EBF2: variants seen among roughly 807,000 people sequenced by gnomAD.
EBF2 encodes the protein transcription factor COE2.
Under a neutral mutation model 72.8 loss-of-function variants are expected in EBF2, and 21 were observed. That is an observed-to-expected ratio of 0.29 (90% CI 0.20 to 0.42). EBF2 has a LOEUF of 0.42. Ranked by LOEUF, EBF2 falls within the 10% of genes least tolerant of loss-of-function variation. The probability of loss-of-function intolerance (pLI) is 1.00; values close to 1 mark genes in which losing one functional copy is unlikely to be tolerated. For missense variants in EBF2, 637 were observed against 731.2 expected (o/e 0.87, Z 1.49); for synonymous variants, 299 against 274.2 (o/e 1.09, Z -0.89).
At chr8:25,985,211 A>G (rs73675759) in intron 6 of EBF2, among the ~76,000 whole-genome samples, 2,324 of 152,308 alleles carry the variant, frequency 0.015, 69 homozygotes, top group African/African-American at 0.053. Context: ...CTTCTCTGCC[A>G]ACACCAAGTG....
chr8:26,040,516 C>T, intron 4 of EBF2, 100 bp downstream of exon 4: 3 of 1,166,880 alleles, frequency 2.6e-6, no homozygotes, highest in Non-Finnish European at 3.7e-6. Context: ...GGAGTCTGAC[C>T]CAGGAAATCG....
chr8:25,934,826 T>C (rs533979089), intron 6 of EBF2, among the ~76,000 whole-genome samples: 5 of 152,308 alleles, frequency 3.3e-5, no homozygotes, highest in African/African-American at 1.2e-4. Context: ...AAAATCCTTA[T>C]TAATATCCTA....
At chr8:25,932,643 C>T (rs574805300) in intron 6 of EBF2, among the ~76,000 whole-genome samples, 1 of 152,086 alleles carries the variant, frequency 6.6e-6, no homozygotes, top group African/African-American at 2.4e-5. Flanking sequence ...GCTGTCTGGC[C>T]GCAGCTGATC....
intron 10 of EBF2, among the ~76,000 whole-genome samples, chr8:25,866,336 CATGGTTCAATA>C (rs1802314698): frequency 6.7e-6 from 1 of 150,260 alleles, no homozygotes; most frequent in African/African-American, 2.4e-5. Flanking sequence ...TATTATTTAT[CATGGTTCAATA>C]AGGGTTCAAT....
At chr8:25,994,823 G>A (rs1804598361) in intron 6 of EBF2, among the ~76,000 whole-genome samples, 1 of 152,150 alleles carries the variant, frequency 6.6e-6, no homozygotes, top group African/African-American at 2.4e-5. Context: ...ACCTATGTGT[G>A]CTATGTTCAC....
At chr8:26,008,374 C>T (rs774295269) in intron 6 of EBF2, among the ~76,000 whole-genome samples, 2 of 152,140 alleles carry the variant, frequency 1.3e-5, no homozygotes, top group African/African-American at 4.8e-5. Flanking sequence ...CTGTGAGAAG[C>T]CTCAGCTGGG....
chr8:25,864,664 T>G (rs1802272818), intron 10 of EBF2, among the ~76,000 whole-genome samples: 1 of 152,238 alleles, frequency 6.6e-6, no homozygotes, highest in Admixed American at 6.5e-5. Context: ...GAATGGTTTC[T>G]ATACATATAT....
intron 6 of EBF2, among the ~76,000 whole-genome samples, chr8:25,947,662 C>T (rs971175048): frequency 1.3e-5 from 2 of 152,188 alleles, no homozygotes; most frequent in Admixed American, 6.5e-5. Context: ...TAAGTGCACC[C>T]TATTGGAAGT....
chr8:25,855,904 G>A (rs1802079610), intron 14 of EBF2, among the ~76,000 whole-genome samples: 1 of 152,156 alleles, frequency 6.6e-6, no homozygotes, highest in African/African-American at 2.4e-5. Context: ...CTCTCTTTCT[G>A]TCTCCCAGTT....
In EBF2 at chr8:26,006,001, G is replaced by GA. The variant is rs1220471397; in HGVS notation, c.551+27083dup. ...GAACTCTGCTCCCTCCCCAGCGCAA[G>GA]AAAAAAATGCCCTTTCTGCAGAACA... On this transcript the variant is annotated intron_variant, in intron 6 of 15. Transcript: ENST00000520164. Among the ~76,000 whole-genome samples, 15 of 151,998 alleles carry GA rather than the reference G, an allele frequency of 9.9e-5. No individual in the cohort carries two copies. The East Asian group carries it at 2.3e-3, about 24-fold the overall frequency.
intron 11 of EBF2, 80 bp downstream of exon 11, chr8:25,862,629 G>C: frequency 9.0e-7 from 1 of 1,106,622 alleles, no homozygotes; most frequent in Non-Finnish European, 1.3e-6. Flanking sequence ...ATTTTAATGG[G>C]ATGTAAATGC....
intron 6 of EBF2, among the ~76,000 whole-genome samples, chr8:26,029,745 C>T (rs1184861348): frequency 6.6e-6 from 1 of 152,176 alleles, no homozygotes; most frequent in Non-Finnish European, 1.5e-5. Context: ...TCTATATTTA[C>T]ACAGAGGAAA....
chr8:25,960,431 C>T (rs182634008), intron 6 of EBF2, among the ~76,000 whole-genome samples: 110 of 152,292 alleles, frequency 7.2e-4, no homozygotes, highest in Middle Eastern at 3.4e-3. Context: ...AAACCACTGC[C>T]TTGGAAAACA....
intron 9 of EBF2, among the ~76,000 whole-genome samples, 199 bp downstream of exon 9, chr8:25,887,643 C>T (rs1003693464): frequency 6.6e-6 from 1 of 152,032 alleles, no homozygotes; most frequent in Non-Finnish European, 1.5e-5. Flanking sequence ...GAGTGACATT[C>T]CATCACTTTA....
chr8:25,927,386 T>A (rs1424292227), intron 6 of EBF2, among the ~76,000 whole-genome samples: 3 of 150,126 alleles, frequency 2.0e-5, no homozygotes, highest in African/African-American at 7.3e-5. Context: ...ATATATATTA[T>A]ATACACATCA....
chr8:25,846,979 GAGA>G (rs1203986250), intron 15 of EBF2, among the ~76,000 whole-genome samples: 1 of 152,168 alleles, frequency 6.6e-6, no homozygotes, highest in Non-Finnish European at 1.5e-5. Context: ...ATAGGGTAAA[GAGA>G]AGAATTTCAC....
At chr8:25,859,188 A>ATGTT (rs1238592425) in intron 13 of EBF2, among the ~76,000 whole-genome samples, 1 of 152,176 alleles carries the variant, frequency 6.6e-6, no homozygotes, top group African/African-American at 2.4e-5. Flanking sequence ...GGCTGGGCAG[A>ATGTT]TGTTATGCAC....
At chr8:25,869,811 A>G (rs1802401255) in intron 10 of EBF2, among the ~76,000 whole-genome samples, 2 of 152,150 alleles carry the variant, frequency 1.3e-5, no homozygotes, top group Non-Finnish European at 2.9e-5. Context: ...TACTATGTTA[A>G]GGGCACTCTG....
chr8:25,948,645 C>T (rs995154076), intron 6 of EBF2, among the ~76,000 whole-genome samples: 3 of 152,144 alleles, frequency 2.0e-5, no homozygotes, highest in South Asian at 2.1e-4. Context: ...AGGCCCTTCC[C>T]GAAATGACAG....
Sources: gnomAD v4.1 joint callset for allele counts (sites outside exome capture counted in the v4.1 genomes callset) on GRCh38, gnomAD v4.1.1 for gene constraint, MANE v1.5 for transcripts, NCBI Gene and HGNC (gene_info 2026-07-23, HGNC 2026-07-21) for gene names.